SIPA1L3: variants seen among roughly 807,000 people sequenced by gnomAD.
The protein encoded by SIPA1L3 is signal-induced proliferation-associated 1-like protein 3.
A neutral mutation model predicts 150.1 loss-of-function variants in SIPA1L3; 59 were observed. The ratio of observed to expected loss-of-function variants is 0.39; its 90% CI spans 0.32 to 0.49. The LOEUF is 0.49. Among genes scored for constraint, SIPA1L3 ranks in the 20% least tolerant of loss-of-function variants. SIPA1L3 has a pLI of 0.86. For missense variants in SIPA1L3, 2,211 were observed against 2,489.5 expected (o/e 0.89, Z 2.38); for synonymous variants, 1,070 against 1,077.6 (o/e 0.99, Z 0.14).
chr19:38,133,986 AT>A (rs574009315), intron 10 of SIPA1L3, among the ~76,000 whole-genome samples: 255 of 144,826 alleles, frequency 1.8e-3, no homozygotes, highest in South Asian at 2.2e-3. Flanking sequence ...ACTACAACAA[AT>A]TTTTTTTTTT....
At chr19:38,181,839 C>CT (rs1972559417) in intron 15 of SIPA1L3, among the ~76,000 whole-genome samples, 2 of 132,474 alleles carry the variant, frequency 1.5e-5, no homozygotes, top group South Asian at 4.8e-4. Flanking sequence ...GAGTGAGACT[C>CT]TGTCTCAAAA....
At chr19:38,070,183 T>C (rs1396636742) in intron 2 of SIPA1L3, among the ~76,000 whole-genome samples, 5 of 143,310 alleles carry the variant, frequency 3.5e-5, no homozygotes, top group African/African-American at 1.3e-4. Context: ...ACTATAGTGA[T>C]CTTCAGTCCT....
chr19:38,129,761 G>A (rs855615), intron 9 of SIPA1L3, among the ~76,000 whole-genome samples: 11,743 of 152,064 alleles, frequency 0.077, 1,344 homozygotes, highest in African/African-American at 0.24. Flanking sequence ...TCAGGATACA[G>A]TATTAGTGGC....
rs1970369941 is a variant in SIPA1L3, at chr19:38,095,921, A to G, written c.1666-4041A>G. On this transcript the variant is annotated intron_variant, in intron 4 of 21. Coordinates refer to ENST00000222345, the MANE Select transcript of SIPA1L3 (RefSeq NM_015073.3). ...CACTGTGGGACAGTGTCAGTAGGAT[A>G]TAAAGACACTGATCCTGTTGGTCTT... Among the ~76,000 whole-genome samples the G allele has an allele frequency of 2.0e-5, 3 of 152,202 alleles. No individual in the cohort carries two copies. The South Asian group carries it at 6.2e-4, about 32-fold the overall frequency.
At chr19:37,945,261 T>G (rs1264643439) in intron 1 of SIPA1L3, among the ~76,000 whole-genome samples, 1 of 150,842 alleles carries the variant, frequency 6.6e-6, no homozygotes, top group African/African-American at 2.4e-5. Flanking sequence ...TGAGACAGAG[T>G]CAAAACTCTG....
intron 12 of SIPA1L3, among the ~76,000 whole-genome samples, chr19:38,145,422 A>G (rs1385034943): frequency 6.6e-6 from 1 of 151,556 alleles, no homozygotes; most frequent in African/African-American, 2.4e-5. Context: ...AATCCCAGCT[A>G]CTCAGGAGGC....
chr19:38,197,305 C>G lies in SIPA1L3; in HGVS notation c.4841-1084C>G, dbSNP rs1263652801. Among the ~76,000 whole-genome samples the G allele has an allele frequency of 2.0e-5, 3 of 152,262 alleles. No individual in the cohort carries two copies. The East Asian group carries it at 5.8e-4, about 29-fold the overall frequency. Reference sequence around the variant, plus strand: ...ACCTGGCTGTCCTCTGTCCCCTTCCCTCAGGGGCTTCAAGGAGTCACAGAG... The same window carrying G: ...ACCTGGCTGTCCTCTGTCCCCTTCCGTCAGGGGCTTCAAGGAGTCACAGAG... On this transcript the variant is annotated intron_variant, in intron 18 of 21. Transcript: ENST00000222345.
In SIPA1L3 at chr19:38,201,894, G is replaced by C; in HGVS notation, c.5017G>C (p.Asp1673His). The change falls in exon 20 of 22, where the codon GAC becomes CAC. Residue 1673 changes from aspartate to histidine, a missense_variant. Coordinates refer to ENST00000222345, the MANE Select transcript of SIPA1L3 (RefSeq NM_015073.3). ...AGCCGTCTCACTCTTCTCTCTGAAC[G>C]ACCCGGCCCTGAGCCCGGACATCCC... ...QRAVSLFSLN[D>H]PALSPDIPPA... 6.2e-7 allele frequency: 1 copy of C among 1,613,198 alleles called. No homozygotes were observed. The highest frequency in any genetic ancestry group is 8.5e-7 in the Non-Finnish European group (1 of 1,179,632).
At position 38,170,790 on chromosome 19, in the gene SIPA1L3, G is replaced by T. The variant is rs564206871; in HGVS notation, c.4208+5884G>T. Among the ~76,000 whole-genome samples the T allele has an allele frequency of 2.0e-5, 3 of 152,254 alleles. No individual in the cohort carries two copies. The South Asian group carries it at 6.2e-4, about 32-fold the overall frequency. The stretch of plus-strand genomic sequence containing the variant: ...GAGGAGGTGTCTAATCTAGCCTAGG[G>T]CCAGCGATAATGTTCCTGAACGAGG... On this transcript the variant is annotated intron_variant, in intron 15 of 21. Transcript: ENST00000222345.
At chr19:37,946,688 GT>G (rs199672772) in intron 1 of SIPA1L3, among the ~76,000 whole-genome samples, 8 of 150,618 alleles carry the variant, frequency 5.3e-5, no homozygotes, top group African/African-American at 9.8e-5. Flanking sequence ...TTATCTTTTA[GT>G]TTTTTTTTGT....
At chr19:37,928,463 C>G (rs866522565) in intron 1 of SIPA1L3, among the ~76,000 whole-genome samples, 2 of 152,046 alleles carry the variant, frequency 1.3e-5, no homozygotes, top group South Asian at 2.1e-4. Flanking sequence ...CCCAGCTATT[C>G]GAGAGGCTGA....
rs554751472 is a variant in SIPA1L3, at chr19:38,146,544, C to T, written c.3533+3834C>T. On this transcript the variant is annotated intron_variant, in intron 12 of 21. Transcript: ENST00000222345. Reference sequence around the variant, plus strand: ...GTACATTCAGGCATACAGGTTTCTGCATGAAAATAAGTTTTCATTTCTCTG... The same window carrying T: ...GTACATTCAGGCATACAGGTTTCTGTATGAAAATAAGTTTTCATTTCTCTG... Among the ~76,000 whole-genome samples, 9 of 152,296 alleles carry T rather than the reference C, an allele frequency of 5.9e-5. No homozygotes were observed. The East Asian group carries it at 1.7e-3, about 29-fold the overall frequency.
chr19:38,101,400 C>CTTGTTG (rs10567552), intron 6 of SIPA1L3, among the ~76,000 whole-genome samples, 174 bp downstream of exon 6: 4 of 151,826 alleles, frequency 2.6e-5, no homozygotes, highest in Admixed American at 6.6e-5. Flanking sequence ...TGTTGTTGTA[C>CTTGTTG]TTGTTGTTGT....
chr19:37,939,948 A>G (rs1314597487), intron 1 of SIPA1L3, among the ~76,000 whole-genome samples: 3 of 152,190 alleles, frequency 2.0e-5, no homozygotes, highest in Non-Finnish European at 4.4e-5. Flanking sequence ...TCTTTGATTA[A>G]TTACACAGAT....
At chr19:38,095,918 G>A (rs1011858016) in intron 4 of SIPA1L3, among the ~76,000 whole-genome samples, 2 of 152,190 alleles carry the variant, frequency 1.3e-5, no homozygotes, top group Non-Finnish European at 2.9e-5. Context: ...GTGTCAGTAG[G>A]ATATAAAGAC....
chr19:38,161,876 C>CA lies in SIPA1L3; in HGVS notation c.3662-361dup, dbSNP rs11365704. Among the ~76,000 whole-genome samples the CA allele has an allele frequency of 3.8e-3, 544 of 141,850 alleles. 6 individuals carry two copies. The highest frequency in any genetic ancestry group is 0.013 in the East Asian group (59 of 4,694). 93.1% of individuals were successfully genotyped at this position (141,850 alleles called of 152,430 possible). ...CACCCTGGATGCTGTAGCAAGACCT[C>CA]AAAAAAAAAAAAAAAATTAGCCAAG... On this transcript the variant is annotated intron_variant, in intron 13 of 21. Transcript: ENST00000222345.
At chr19:38,049,421 G>A (rs1345863248) in intron 2 of SIPA1L3, among the ~76,000 whole-genome samples, 1 of 152,190 alleles carries the variant, frequency 6.6e-6, no homozygotes, top group Non-Finnish European at 1.5e-5. Flanking sequence ...TGCTGGATGT[G>A]TGTCCAGTGT....
intron 1 of SIPA1L3, among the ~76,000 whole-genome samples, chr19:38,010,665 C>T (rs998872169): frequency 1.3e-5 from 2 of 151,990 alleles, no homozygotes; most frequent in African/African-American, 4.8e-5. Flanking sequence ...GAGCCGAGAT[C>T]GCACCATTGC....
At position 38,106,568 on chromosome 19, in the gene SIPA1L3, G is replaced by C. The variant is rs770801508; in HGVS notation, c.2061G>C (p.Thr687=). ...CCACGGGAACCCACTCCCTCTACACGATGTACCAGGACTACGAGATCATGT... is the reference window on the plus strand; with the variant it reads ...CCACGGGAACCCACTCCCTCTACACCATGTACCAGGACTACGAGATCATGT... ...TDSTGTHSLY[T]MYQDYEIMFH... is the part of the protein sequence containing the mutation. Residue 687 remains threonine (T), a synonymous_variant, in exon 7 of 22, where the codon ACG becomes ACC. Transcript: ENST00000222345. The C allele has an allele frequency of 6.2e-7, 1 of 1,613,904 alleles. No homozygotes were observed.
Sources: allele counts gnomAD v4.1 joint callset (sites outside exome capture counted in the v4.1 genomes callset), GRCh38; gene constraint gnomAD v4.1.1; transcripts MANE v1.5; gene names NCBI Gene and HGNC (gene_info 2026-07-23, HGNC 2026-07-21).